Variants in BLTP3B observed in about 807,000 individuals in gnomAD.
The protein encoded by BLTP3B is bridge-like lipid transfer protein family member 3B.
chr12:100,069,989 C>T, the BLTP3B span: 1 of 1,216,392 alleles, frequency 8.2e-7, no homozygotes, highest in Non-Finnish European at 1.0e-6. Context: ...CAATAACAGA[C>T]AATGGCCGTG....
At chr12:100,103,751 T>C in the BLTP3B span, among the ~76,000 whole-genome samples, 1 of 152,150 alleles carries the variant, frequency 6.6e-6, no homozygotes, top group Non-Finnish European at 1.5e-5. Context: ...TTAAAGCTTC[T>C]CATTTAAAGG....
the BLTP3B span, among the ~76,000 whole-genome samples, chr12:100,070,586 T>C: frequency 2.6e-5 from 4 of 152,128 alleles, no homozygotes; most frequent in Non-Finnish European, 4.4e-5. Context: ...AAACTAGGAA[T>C]AAAGCAATAA....
chr12:100,072,850 A>AT, the BLTP3B span: 5 of 1,556,106 alleles, frequency 3.2e-6, no homozygotes, highest in Non-Finnish European at 4.3e-6. Flanking sequence ...ATCACACTGA[A>AT]TAAAAACCTT....
the BLTP3B span, among the ~76,000 whole-genome samples, chr12:100,078,594 G>C: frequency 2.0e-5 from 3 of 152,110 alleles, no homozygotes; most frequent in South Asian, 6.2e-4. Flanking sequence ...TTCACCTAGA[G>C]ATTGAGTAAA....
the BLTP3B span, chr12:100,089,241 T>A: frequency 2.8e-6 from 2 of 710,458 alleles, no homozygotes; most frequent in Non-Finnish European, 2.1e-6. Context: ...CCTAAAATAT[T>A]TTCTGAATTA....
the BLTP3B span, among the ~76,000 whole-genome samples, chr12:100,118,004 T>TG: frequency 0.36 from 54,052 of 151,930 alleles, 12,799 homozygotes; most frequent in African/African-American, 0.68. Flanking sequence ...AATCCTGGAC[T>TG]TATGTGTATC....
the BLTP3B span, among the ~76,000 whole-genome samples, chr12:100,114,222 T>A: frequency 2.6e-5 from 4 of 152,176 alleles, no homozygotes; most frequent in Admixed American, 6.6e-5. Context: ...AAGATTTTTT[T>A]AACATACTTC....
At chr12:100,048,760 G>A in the BLTP3B span, among the ~76,000 whole-genome samples, 3 of 130,826 alleles carry the variant, frequency 2.3e-5, no homozygotes, top group African/African-American at 9.2e-5. Flanking sequence ...GAGAGAGAGA[G>A]AGTGAGAGTG....
the BLTP3B span, among the ~76,000 whole-genome samples, chr12:100,068,949 A>G: frequency 2.6e-5 from 4 of 152,230 alleles, no homozygotes; most frequent in African/African-American, 9.6e-5. Flanking sequence ...TTAAAGAGCT[A>G]AAAGTAGGCA....
At chr12:100,046,805 A>G in the BLTP3B span, among the ~76,000 whole-genome samples, 2 of 152,216 alleles carry the variant, frequency 1.3e-5, no homozygotes, top group Non-Finnish European at 2.9e-5. Context: ...CCACATAATG[A>G]TGAGCAATTC....
chr12:100,098,940 A>C, the BLTP3B span, among the ~76,000 whole-genome samples: 1 of 151,950 alleles, frequency 6.6e-6, no homozygotes, highest in South Asian at 2.1e-4. Flanking sequence ...ATAGACAGAC[A>C]GACACATAGA....
At chr12:100,128,847 T>C in the BLTP3B span, 5 of 857,840 alleles carry the variant, frequency 5.8e-6, no homozygotes, top group Admixed American at 4.6e-5. Context: ...ACAGTTGCAT[T>C]TCACACTGGA....
chr12:100,140,974 G>A, the BLTP3B span, among the ~76,000 whole-genome samples: 1 of 151,824 alleles, frequency 6.6e-6, no homozygotes, highest in East Asian at 1.9e-4. Flanking sequence ...CAAGCATCTA[G>A]AGTGGTACTA....
the BLTP3B span, among the ~76,000 whole-genome samples, chr12:100,105,862 G>GA: frequency 2.6e-5 from 4 of 151,172 alleles, no homozygotes; most frequent in Admixed American, 6.6e-5. Flanking sequence ...AAATCAGCAA[G>GA]AAAAAAAACA....
At chr12:100,136,326 A>AT in the BLTP3B span, among the ~76,000 whole-genome samples, 8 of 152,110 alleles carry the variant, frequency 5.3e-5, no homozygotes, top group African/African-American at 1.2e-4. Context: ...TAGCAATAAA[A>AT]TTTTTTTTAT....
chr12:100,083,682 T>C, the BLTP3B span, among the ~76,000 whole-genome samples: 1 of 148,286 alleles, frequency 6.7e-6, no homozygotes, highest in Admixed American at 6.7e-5. Flanking sequence ...CAATGCTTAC[T>C]GGGCCAGCAA....
At chr12:100,052,455 C>T in the BLTP3B span, among the ~76,000 whole-genome samples, 5 of 151,698 alleles carry the variant, frequency 3.3e-5, no homozygotes, top group South Asian at 2.1e-4. Context: ...AAAAATAAAG[C>T]GAAGAGTTAT....
the BLTP3B span, chr12:100,108,678 G>A: frequency 1.4e-6 from 1 of 694,198 alleles, no homozygotes; most frequent in South Asian, 2.4e-5. Context: ...AACGACAAAT[G>A]GATAAAGAAA....
chr12:100,140,729 AATATATAT>A, the BLTP3B span, among the ~76,000 whole-genome samples: 57 of 61,486 alleles, frequency 9.3e-4, 1 homozygote, highest in African/African-American at 5.2e-3. Context: ...AAAAAAAAAA[AATATATAT>A]ATATATATAT....
Sources: gnomAD v4.1 joint callset for allele counts (sites outside exome capture counted in the v4.1 genomes callset) on GRCh38, gnomAD v4.1.1 for gene constraint, MANE v1.5 for transcripts, NCBI Gene and HGNC (gene_info 2026-07-23, HGNC 2026-07-21) for gene names.